CC2D2B: variants seen among roughly 807,000 people sequenced by gnomAD.
The protein encoded by CC2D2B is protein CC2D2B.
In CC2D2B, 128 loss-of-function variants were observed where a neutral mutation model predicts 161.2. That is an observed-to-expected ratio of 0.79 (90% CI 0.69 to 0.92). CC2D2B has a LOEUF of 0.92. Among genes scored for constraint, CC2D2B ranks in the 40% least tolerant of loss-of-function variants. CC2D2B has a pLI of 0.00. For synonymous variants in CC2D2B, 391 were observed against 449.8 expected (o/e 0.87, Z 1.65); for missense variants, 1,173 against 1,375.1 (o/e 0.85, Z 2.32).
chr10:95,982,710 T>C (rs901054552), intron 18 of CC2D2B, among the ~76,000 whole-genome samples: 3 of 152,198 alleles, frequency 2.0e-5, no homozygotes, highest in African/African-American at 7.2e-5. Flanking sequence ...TTTTAAAAAA[T>C]CAACTCTTAT....
chr10:95,970,468 G>A (rs544108743), intron 15 of CC2D2B, among the ~76,000 whole-genome samples: 43 of 152,184 alleles, frequency 2.8e-4, no homozygotes, highest in African/African-American at 1.0e-3. Context: ...GTTTAAAAAC[G>A]CCCATTTTCA....
chr10:95,922,020 C>T lies in CC2D2B; in HGVS notation c.41C>T (p.Ser14Leu), dbSNP rs1278294534. Residue 14 changes from serine (S) to leucine (L), a missense_variant, in exon 3 of 35, where the codon TCA becomes TTA. Physicochemically the swap from Ser to Leu is moderately radical, Grantham distance 145 (BLOSUM62 -2). Transcript: ENST00000646931. Reference sequence around the variant, plus strand: ...CCCTCCCTGCTTTTTTTGCAGATGTCAGAAGAGATGGATAATATTACAGCT... The same window carrying T: ...CCCTCCCTGCTTTTTTTGCAGATGTTAGAAGAGATGGATAATATTACAGCT... ...SQREDIFKKM[S>L]EEMDNITAEE... is the part of the protein sequence containing the mutation. 7 of 1,536,456 alleles carry T rather than the reference C, an allele frequency of 4.6e-6. No homozygotes were observed. Among genetic ancestry groups the T allele is most frequent in the Non-Finnish European group, 6.2e-6 (7 of 1,137,852 alleles).
chr10:95,910,393 G>T (rs1443875397), intron 1 of CC2D2B, among the ~76,000 whole-genome samples: 2 of 152,176 alleles, frequency 1.3e-5, no homozygotes, highest in Non-Finnish European at 2.9e-5. Context: ...GGGCATCAGG[G>T]AGCTTACAAT....
Position 95,961,883 on chromosome 10 carries a change from C to T in CC2D2B, c.1164C>T (p.His388=). The T allele has an allele frequency of 8.1e-7, 1 of 1,231,038 alleles. No homozygotes were observed. Among genetic ancestry groups the T allele is most frequent in the Non-Finnish European group, 1.0e-6 (1 of 987,116 alleles). 76.3% of individuals were successfully genotyped at this position (1,231,038 alleles called of 1,614,324 possible). ...GGGGAAAGGACCTCTCCCTACTACA[C>T]AGTATATTACGAACTTGGAAACAGA... ...LERGKDLSLL[H]SILRTWKQIK... is the part of the protein sequence containing the mutation. The change falls in exon 12 of 35, where the codon CAC becomes CAT. Residue 388 remains histidine, a synonymous_variant. Transcript: ENST00000646931.
chr10:95,992,765 T>C, intron 22 of CC2D2B, 68 bp downstream of exon 22: 1 of 1,029,172 alleles, frequency 9.7e-7, no homozygotes, highest in Non-Finnish European at 1.2e-6. Context: ...TTCTCCATGC[T>C]GTTCTATTTG....
chr10:95,951,203 AAT>A (rs1590550109), intron 10 of CC2D2B, among the ~76,000 whole-genome samples: 1 of 151,982 alleles, frequency 6.6e-6, no homozygotes, highest in East Asian at 1.9e-4. Context: ...TTCAGGCTGC[AAT>A]GCAGTGGCTC....
intron 29 of CC2D2B, among the ~76,000 whole-genome samples, chr10:96,015,826 C>G: frequency 6.6e-6 from 1 of 152,188 alleles, no homozygotes. Flanking sequence ...TTCCTACAAA[C>G]ACTATATGAT....
rs1202756769 is a variant in CC2D2B at position 95,938,552 on chromosome 10, G to A, written c.536-17G>A. 5 of 673,822 alleles carry A rather than the reference G, an allele frequency of 7.4e-6. No homozygotes were observed. The highest frequency in any genetic ancestry group is 6.8e-5 in the South Asian group (4 of 58,398). The allele number at this position is 673,822 out of a possible 1,614,324, so 41.7% of individuals were successfully genotyped here. A position where few individuals can be genotyped will look rare whatever the true frequency, so the allele number is the denominator to read the frequency against. The stretch of plus-strand genomic sequence containing the variant: ...TTTTGGACTTTAAAGTAATATCTAA[G>A]TTTTATTGTTATAAAGTGGTTAACC... On this transcript the variant is annotated splice_polypyrimidine_tract_variant and intron_variant, in intron 7 of 34. Transcript: ENST00000646931.
chr10:96,016,155 C>T (rs766014128), intron 29 of CC2D2B, 46 bp from the exon 30 acceptor site: 1 of 1,297,794 alleles, frequency 7.7e-7, no homozygotes, highest in Non-Finnish European at 1.1e-6. Flanking sequence ...ACTCAACTTT[C>T]CCGCACTTTT....
chr10:95,952,596 G>T (rs1280026062), intron 10 of CC2D2B, among the ~76,000 whole-genome samples: 1 of 151,880 alleles, frequency 6.6e-6, no homozygotes, highest in Non-Finnish European at 1.5e-5. Flanking sequence ...GCCCAGGCTG[G>T]ACTCAAACTC....
chr10:96,019,774 A>G lies in CC2D2B; in HGVS notation c.3838A>G (p.Lys1280Glu). 6.2e-7 allele frequency: 1 copy of G among 1,604,058 alleles called. No individual in the cohort carries two copies. Among genetic ancestry groups the G allele is most frequent in the Non-Finnish European group, 8.5e-7 (1 of 1,177,268 alleles). ...TGACTATTCAAAGGAAAGTTTCTGG[A>G]AGCAGTTGCTTCCAAAAAACGTTCA... ...FFDYSKESFW[K>E]QLLPKNVQGT... Residue 1280 changes from lysine to glutamate, a missense_variant, in exon 32 of 35, where the codon AAG (lysine) becomes GAG (glutamate). Transcript: ENST00000646931.
At chr10:96,019,114 G>T in intron 30 of CC2D2B, 89 bp from the exon 31 acceptor site, 2 of 1,151,308 alleles carry the variant, frequency 1.7e-6, no homozygotes, top group Non-Finnish European at 2.4e-6. Flanking sequence ...ACTAAAAAAG[G>T]CTTTAAAAAT....
intron 22 of CC2D2B, among the ~76,000 whole-genome samples, chr10:95,994,015 C>T (rs1320655768): frequency 1.9e-4 from 23 of 124,290 alleles, no homozygotes; most frequent in Admixed American, 6.1e-4. Flanking sequence ...TCCAGCCCTA[C>T]GGGGCTTAGC....
chr10:95,959,924 C>T (rs2076704561), intron 11 of CC2D2B, among the ~76,000 whole-genome samples: 1 of 152,006 alleles, frequency 6.6e-6, no homozygotes, highest in Admixed American at 6.5e-5. Flanking sequence ...AATTGTTAAC[C>T]TGAAAAAAGT....
chr10:95,988,945 C>T (rs1214556585), intron 20 of CC2D2B, among the ~76,000 whole-genome samples: 1 of 152,202 alleles, frequency 6.6e-6, no homozygotes, highest in Non-Finnish European at 1.5e-5. Context: ...TAGTATCTTA[C>T]ACTGAGAAAA....
At chr10:96,008,621 C>T (rs2078858698) in intron 25 of CC2D2B, among the ~76,000 whole-genome samples, 1 of 152,074 alleles carries the variant, frequency 6.6e-6, no homozygotes, top group East Asian at 1.9e-4. Context: ...CTCATTGTAG[C>T]TCTAATTTGC....
chr10:95,975,918 T>C lies in CC2D2B; in HGVS notation c.1943+1762T>C, dbSNP rs79498908. On this transcript the variant is annotated intron_variant, in intron 17 of 34. Transcript: ENST00000646931. Reference sequence around the variant, plus strand: ...ATTTCTTAATATTTCTCTAGCATAGTCTCCACAGCAGCTATTCCTAATCTT... The same window carrying C: ...ATTTCTTAATATTTCTCTAGCATAGCCTCCACAGCAGCTATTCCTAATCTT... Among the ~76,000 whole-genome samples the C allele has an allele frequency of 4.6e-3, 695 of 152,324 alleles. 3 individuals are homozygous for C. The highest frequency in any genetic ancestry group is 5.4e-3 in the Non-Finnish European group (369 of 68,018).
chr10:95,951,895 T>C (rs539578224), intron 10 of CC2D2B, among the ~76,000 whole-genome samples: 28 of 152,316 alleles, frequency 1.8e-4, no homozygotes, highest in Non-Finnish European at 8.8e-5. Flanking sequence ...GGATTTTTGC[T>C]TTTTTTCAAT....
At chr10:95,999,954 T>C in intron 24 of CC2D2B, 1 of 604,348 alleles carries the variant, frequency 1.7e-6, no homozygotes, top group South Asian at 1.7e-5. Context: ...ATCTCAGCTC[T>C]TAGAGCACTT....
Sources: allele counts gnomAD v4.1 joint callset (sites outside exome capture counted in the v4.1 genomes callset), GRCh38; gene constraint gnomAD v4.1.1; transcripts MANE v1.5; gene names NCBI Gene and HGNC (gene_info 2026-07-23, HGNC 2026-07-21).